Variants in HECW1 observed in about 807,000 individuals in gnomAD.
HECW1 encodes the protein HECT, C2 and WW domain containing E3 ubiquitin protein ligase 1, also known as E3 ubiquitin-protein ligase HECW1.
In HECW1, 61 loss-of-function variants were observed where a neutral mutation model predicts 182.3. The ratio of observed to expected loss-of-function variants is 0.33; its 90% CI spans 0.27 to 0.41. The LOEUF (loss-of-function observed/expected upper bound fraction) is 0.41. HECW1 is among the 10% of genes least tolerant of loss of function. HECW1 has a pLI of 1.00. For synonymous variants in HECW1, 859 were observed against 832.6 expected (o/e 1.03, Z -0.55); for missense variants, 1,739 against 2,108.9 (o/e 0.82, Z 3.44).
chr7:43,361,278 A>G (rs1414597990), intron 6 of HECW1, among the ~76,000 whole-genome samples: 1 of 152,356 alleles, frequency 6.6e-6, no homozygotes, highest in Non-Finnish European at 1.5e-5. Context: ...TAATAGAGAC[A>G]TGTGCAATCA....
At chr7:43,500,252 AC>A (rs1414219386) in intron 19 of HECW1, among the ~76,000 whole-genome samples, 1 of 152,026 alleles carries the variant, frequency 6.6e-6, no homozygotes, top group Non-Finnish European at 1.5e-5. Context: ...GGCAGGCAAC[AC>A]CACACCTGGC....
At chr7:43,134,058 C>G (rs1268954159) in intron 2 of HECW1, among the ~76,000 whole-genome samples, 1 of 152,066 alleles carries the variant, frequency 6.6e-6, no homozygotes, top group East Asian at 1.9e-4. Flanking sequence ...TTCAAACTTA[C>G]CTAAATTATG....
Position 43,460,397 on chromosome 7 carries a change from T to C in HECW1, c.2652-3263T>C, listed in dbSNP as rs534379799. 3.3e-5 allele frequency among the ~76,000 whole-genome samples: 5 copies of C among 152,346 alleles called. No homozygotes were observed. The South Asian group carries it at 1.0e-3, about 32-fold the overall frequency. On this transcript the variant is annotated intron_variant, in intron 13 of 29. Coordinates refer to ENST00000395891, the MANE Select transcript of HECW1 (RefSeq NM_015052.5). ...TTGTTTTCCATAAGCTTTTCTTTAA[T>C]AAGGAGTAGTTTCTCCCATGTGAAT...
intron 2 of HECW1, among the ~76,000 whole-genome samples, chr7:43,195,820 G>T (rs1366826916): frequency 6.6e-6 from 1 of 152,146 alleles, no homozygotes; most frequent in East Asian, 1.9e-4. Flanking sequence ...CCAAGGGGTG[G>T]AATACTCATG....
chr7:43,457,893 C>G (rs903454978), intron 13 of HECW1, among the ~76,000 whole-genome samples: 33 of 152,162 alleles, frequency 2.2e-4, no homozygotes, highest in African/African-American at 7.7e-4. Context: ...TTTTCATTGC[C>G]TGAGCGTTTG....
intron 3 of HECW1, among the ~76,000 whole-genome samples, chr7:43,279,453 G>A (rs146824545): frequency 1.3e-5 from 2 of 152,050 alleles, no homozygotes; most frequent in East Asian, 1.9e-4. Context: ...AAATCCTCTC[G>A]GTGAGCTGCA....
intron 3 of HECW1, among the ~76,000 whole-genome samples, chr7:43,308,204 T>TATAG (rs1311863449): frequency 4.1e-5 from 4 of 97,518 alleles, no homozygotes; most frequent in African/African-American, 1.7e-4. Context: ...TTTATATATA[T>TATAG]TTTTATATAT....
intron 9 of HECW1, 40 bp from the exon 10 acceptor site, chr7:43,442,489 G>A (rs900319585): frequency 2.2e-6 from 3 of 1,382,142 alleles, no homozygotes; most frequent in Admixed American, 3.4e-5. Context: ...TAGGAAGAGA[G>A]GTATTGACCA....
chr7:43,426,006 C>G (rs930304755), intron 8 of HECW1, among the ~76,000 whole-genome samples: 1 of 152,146 alleles, frequency 6.6e-6, no homozygotes, highest in African/African-American at 2.4e-5. Context: ...CTCAACTTTT[C>G]TCTGCAAGGA....
intron 6 of HECW1, among the ~76,000 whole-genome samples, chr7:43,382,712 A>G (rs1254239565): frequency 2.6e-5 from 4 of 152,230 alleles, no homozygotes; most frequent in African/African-American, 9.6e-5. Context: ...GGGGTTGGAT[A>G]AATGAGTGAA....
intron 6 of HECW1, among the ~76,000 whole-genome samples, chr7:43,384,132 G>A (rs928606171): frequency 5.0e-4 from 76 of 152,162 alleles, no homozygotes; most frequent in African/African-American, 1.7e-3. Context: ...AAAAATTCAT[G>A]TGTAAGTAGA....
intron 5 of HECW1, among the ~76,000 whole-genome samples, chr7:43,352,600 G>C (rs915246401): frequency 6.6e-6 from 1 of 152,150 alleles, no homozygotes; most frequent in South Asian, 2.1e-4. Context: ...CCATATGTGT[G>C]ACCTTATGTA....
At chr7:43,313,302 T>A (rs1307829918) in intron 4 of HECW1, among the ~76,000 whole-genome samples, 1 of 151,768 alleles carries the variant, frequency 6.6e-6, no homozygotes, top group Non-Finnish European at 1.5e-5. Context: ...ATACTATAGA[T>A]TAAGAACAGA....
intron 13 of HECW1, among the ~76,000 whole-genome samples, chr7:43,460,539 T>C: frequency 6.6e-6 from 1 of 152,046 alleles, no homozygotes; most frequent in South Asian, 2.1e-4. Flanking sequence ...TGTGCGCGCG[T>C]GCGTGTGTGT....
At chr7:43,316,235 C>T (rs140548924) in intron 4 of HECW1, among the ~76,000 whole-genome samples, 236 of 152,220 alleles carry the variant, frequency 1.6e-3, no homozygotes, top group African/African-American at 5.4e-3. Flanking sequence ...AGAAGAAATG[C>T]ATACCACTCA....
chr7:43,201,369 C>T (rs1436488031), intron 2 of HECW1, among the ~76,000 whole-genome samples: 1 of 152,208 alleles, frequency 6.6e-6, no homozygotes, highest in African/African-American at 2.4e-5. Flanking sequence ...GCAGGATGTA[C>T]AGAGAATTAC....
At chr7:43,251,686 G>T (rs1330809532) in intron 3 of HECW1, among the ~76,000 whole-genome samples, 1 of 152,092 alleles carries the variant, frequency 6.6e-6, no homozygotes, top group African/African-American at 2.4e-5. Context: ...GGAGTTACGG[G>T]TTCATTACAC....
Position 43,554,751 on chromosome 7 carries a change from T to A in HECW1, c.4670T>A (p.Phe1557Tyr). 6.2e-7 allele frequency: 1 copy of A among 1,614,074 alleles called. No homozygotes were observed. The highest frequency in any genetic ancestry group is 8.5e-7 in the Non-Finnish European group (1 of 1,179,960). ...ALRGSNGLRR[F>Y]CIEKWGKITS... ...CGTGGGAGCAATGGGCTTCGGCGCTTCTGCATAGAGAAATGGGGGAAAATT... is the reference window on the plus strand; with the variant it reads ...CGTGGGAGCAATGGGCTTCGGCGCTACTGCATAGAGAAATGGGGGAAAATT... The change falls in exon 29 of 30, where the codon TTC becomes TAC. Residue 1557 changes from phenylalanine (F) to tyrosine (Y), a missense_variant. Phe to Tyr is a conservative substitution (Grantham distance 22). Coordinates refer to ENST00000395891, the MANE Select transcript of HECW1 (RefSeq NM_015052.5).
At chr7:43,291,173 A>G (rs1805353301) in intron 3 of HECW1, among the ~76,000 whole-genome samples, 1 of 152,340 alleles carries the variant, frequency 6.6e-6, no homozygotes, top group African/African-American at 2.4e-5. Flanking sequence ...TCAGCAAGGC[A>G]ATTTTTACTT....
Sources: gnomAD v4.1 joint callset for allele counts (sites outside exome capture counted in the v4.1 genomes callset) on GRCh38, gnomAD v4.1.1 for gene constraint, MANE v1.5 for transcripts, NCBI Gene and HGNC (gene_info 2026-07-23, HGNC 2026-07-21) for gene names.